SDK1: variants seen among roughly 807,000 people sequenced by gnomAD.
SDK1 encodes protein sidekick-1.
SDK1 carries 157 observed loss-of-function variants against 245.5 expected under a neutral mutation model. That is an observed-to-expected ratio of 0.64 (90% CI 0.56 to 0.73). SDK1 has a LOEUF of 0.73. SDK1 is among the 30% of genes least tolerant of loss of function. The probability of loss-of-function intolerance (pLI) is 0.00; values close to 1 mark genes in which losing one functional copy is unlikely to be tolerated. For missense variants in SDK1, 3,583 were observed against 3,002.3 expected, an observed-to-expected ratio of 1.19 and a Z score of -4.52; for synonymous variants, 1,647 against 1,278.5, an observed-to-expected ratio of 1.29 and a Z score of -6.15.
chr7:3,463,113 G>T (rs1201702960), intron 1 of SDK1, among the ~76,000 whole-genome samples: 1 of 152,006 alleles, frequency 6.6e-6, no homozygotes, highest in African/African-American at 2.4e-5. Context: ...ACTCTATCCT[G>T]TGCTTTAGAT....
chr7:3,969,178 G>C (rs1466210151), intron 10 of SDK1, 79 bp from the exon 11 acceptor site: 1 of 1,300,080 alleles, frequency 7.7e-7, no homozygotes, highest in African/African-American at 1.5e-5. Context: ...CATATTACTT[G>C]CTTATGGCTC....
Position 3,741,088 on chromosome 7 carries a change from T to G in SDK1, c.714-80362T>G, listed in dbSNP as rs567837225. On this transcript the variant is annotated intron_variant, in intron 4 of 44. Transcript: ENST00000404826. Reference sequence around the variant, plus strand: ...TCTGTGGATTATAGAAAACTTGGCTTCCTTGGCCACATCTCCTTGAAAATT... The same window carrying G: ...TCTGTGGATTATAGAAAACTTGGCTGCCTTGGCCACATCTCCTTGAAAATT... 8.5e-5 allele frequency among the ~76,000 whole-genome samples: 13 copies of G among 152,312 alleles called. 1 individual carries two copies. In the South Asian group the frequency reaches 2.7e-3, roughly 32 times the overall value.
intron 5 of SDK1, among the ~76,000 whole-genome samples, chr7:3,910,953 C>A (rs1349912873): frequency 6.6e-6 from 1 of 152,198 alleles, no homozygotes; most frequent in Admixed American, 6.5e-5. Flanking sequence ...TCCCCAAGCT[C>A]AGGCGTGCTG....
chr7:3,452,866 T>G (rs1340462746), intron 1 of SDK1, among the ~76,000 whole-genome samples: 1 of 152,126 alleles, frequency 6.6e-6, no homozygotes, highest in Non-Finnish European at 1.5e-5. Context: ...CTTCCCTCCC[T>G]CCTTTTGTTC....
At chr7:3,619,046 CA>C (rs776417171) in intron 1 of SDK1, 33 bp from the exon 2 acceptor site, 1 of 1,490,692 alleles carries the variant, frequency 6.7e-7, no homozygotes, top group Admixed American at 2.0e-5. Context: ...ATGCGTACTT[CA>C]GTTTTGTTTT....
intron 14 of SDK1, among the ~76,000 whole-genome samples, chr7:4,000,279 G>A (rs1285044508): frequency 6.6e-6 from 1 of 152,200 alleles, no homozygotes. Flanking sequence ...ATATCCTCCA[G>A]GCAGCTTGTC....
At chr7:3,830,861 T>A (rs1548612) in intron 5 of SDK1, among the ~76,000 whole-genome samples, 48,322 of 152,104 alleles carry the variant, frequency 0.32, 10,087 homozygotes, top group African/African-American at 0.59. Context: ...GAATGCCTGA[T>A]TTCAGTTTAT....
intron 40 of SDK1, among the ~76,000 whole-genome samples, chr7:4,222,829 G>A (rs569965954): frequency 6.3e-4 from 96 of 152,222 alleles, no homozygotes; most frequent in African/African-American, 2.2e-3. Flanking sequence ...AAAGCCCATG[G>A]CCCCTCACAC....
intron 1 of SDK1, among the ~76,000 whole-genome samples, chr7:3,375,180 CAAAA>C (rs35979685): frequency 0.11 from 15,850 of 142,422 alleles, 903 homozygotes; most frequent in Middle Eastern, 0.17. Context: ...AGTTAATTTG[CAAAA>C]AAAAAAAAAA....
intron 19 of SDK1, among the ~76,000 whole-genome samples, chr7:4,052,155 C>T (rs13234854): frequency 0.015 from 2,167 of 140,242 alleles, 26 homozygotes; most frequent in Non-Finnish European, 0.024. Flanking sequence ...GATTCCCTCA[C>T]CTGCTTCCAT....
intron 17 of SDK1, among the ~76,000 whole-genome samples, chr7:4,040,058 G>A (rs1788502274): frequency 6.6e-6 from 1 of 152,116 alleles, no homozygotes; most frequent in Admixed American, 6.5e-5. Flanking sequence ...CTGGGTTTTT[G>A]CAGCAAAAAA....
At chr7:3,503,122 T>G (rs1439344569) in intron 1 of SDK1, among the ~76,000 whole-genome samples, 1 of 152,200 alleles carries the variant, frequency 6.6e-6, no homozygotes, top group Non-Finnish European at 1.5e-5. Flanking sequence ...TGCTGCAATC[T>G]TGTCCTCCTC....
In SDK1 at chr7:3,960,793, A is replaced by T. The variant is rs114853342; in HGVS notation, c.1234+1779A>T. 4.5e-3 allele frequency among the ~76,000 whole-genome samples: 680 copies of T among 152,312 alleles called. 5 individuals carry two copies. Among genetic ancestry groups the T allele is most frequent in the African/African-American group, 0.016 (649 of 41,572 alleles). On this transcript the variant is annotated intron_variant, in intron 8 of 44. Transcript: ENST00000404826. Reference sequence around the variant, plus strand: ...AAGAGTAAGACGAATTTTACGTGGAATTATCTTTCTTACAGTGGTTGCATT... The same window carrying T: ...AAGAGTAAGACGAATTTTACGTGGATTTATCTTTCTTACAGTGGTTGCATT...
At chr7:3,916,855 A>AGATG (rs970052190) in intron 5 of SDK1, among the ~76,000 whole-genome samples, 2 of 152,326 alleles carry the variant, frequency 1.3e-5, no homozygotes, top group East Asian at 1.9e-4. Context: ...ATTGTCAGGG[A>AGATG]GATGGATGGA....
chr7:4,005,641 G>A (rs1400906515), intron 14 of SDK1, among the ~76,000 whole-genome samples: 2 of 152,090 alleles, frequency 1.3e-5, no homozygotes, highest in South Asian at 2.1e-4. Flanking sequence ...CTCCCCAAGC[G>A]GGTTTCTGTG....
chr7:4,086,532 G>T (rs1349900390), intron 22 of SDK1, among the ~76,000 whole-genome samples: 1 of 152,146 alleles, frequency 6.6e-6, no homozygotes, highest in Non-Finnish European at 1.5e-5. Flanking sequence ...GCTCCTGGAG[G>T]TCACCACGGT....
chr7:4,000,165 C>A (rs142760757), intron 14 of SDK1, among the ~76,000 whole-genome samples: 1 of 152,084 alleles, frequency 6.6e-6, no homozygotes, highest in Admixed American at 6.5e-5. Flanking sequence ...CAGGCCTGGA[C>A]GTGGAAGTAG....
intron 4 of SDK1, among the ~76,000 whole-genome samples, chr7:3,737,136 T>C (rs1198829325): frequency 6.6e-6 from 1 of 152,250 alleles, no homozygotes; most frequent in Non-Finnish European, 1.5e-5. Flanking sequence ...AGGTGTGCTC[T>C]GCAGCCTGGT....
At chr7:3,551,221 TGTA>T (rs1217205370) in intron 1 of SDK1, among the ~76,000 whole-genome samples, 2 of 152,228 alleles carry the variant, frequency 1.3e-5, no homozygotes, top group Non-Finnish European at 2.9e-5. Context: ...GTGTTTGTAA[TGTA>T]GTATTTATTA....
Sources: allele counts gnomAD v4.1 joint callset (sites outside exome capture counted in the v4.1 genomes callset), GRCh38; gene constraint gnomAD v4.1.1; transcripts MANE v1.5; gene names NCBI Gene and HGNC (gene_info 2026-07-23, HGNC 2026-07-21).